The following MYO18A variants were observed in gnomAD, a reference collection of about 807,000 sequenced individuals.
MYO18A encodes the protein myosin XVIIIA, also known as unconventional myosin-XVIIIa.
Under a neutral mutation model 235.8 loss-of-function variants are expected in MYO18A, and 78 were observed. The observed-to-expected ratio is 0.33, with a 90% CI of 0.28 to 0.40. The LOEUF is 0.40. Ranked by LOEUF, MYO18A falls within the 10% of genes least tolerant of loss-of-function variation. MYO18A has a pLI of 1.00. For synonymous variants in MYO18A, 977 were observed against 1,077.8 expected (o/e 0.91, Z 1.83); for missense variants, 2,215 against 2,699.3 (o/e 0.82, Z 3.98).
In MYO18A at chr17:29,166,942, GT is replaced by G; in HGVS notation, c.-3del. On this transcript the variant is annotated 5_prime_UTR_variant, in exon 2 of 42. Coordinates refer to ENST00000527372, the MANE Select transcript of MYO18A (RefSeq NM_078471.4). ...GTCTTTCTTCATTAGGTTAAACATG[GT>G]GGGGGTGCTGTTTGTAGGGGTAGCA... 6.5e-7 allele frequency: 1 copy of G among 1,531,826 alleles called. No homozygotes were observed. Among genetic ancestry groups the G allele is most frequent in the Non-Finnish European group, 8.8e-7 (1 of 1,134,918 alleles). 94.9% of individuals were successfully genotyped at this position (1,531,826 alleles called of 1,614,324 possible).
In MYO18A at chr17:29,098,908, T is replaced by A; in HGVS notation, c.3698A>T (p.Asp1233Val). ...KNIKKNKGVKDWPWWKLFTTV... is the reference protein window; with the variant it reads ...KNIKKNKGVKVWPWWKLFTTV... ...GGTAAAAAGCTTCCACCAGGGCCAG[T>A]CCTTCACCCCTTTGTTCTTCTTGAT... Residue 1233 changes from aspartate to valine, a missense_variant, in exon 23 of 42, where the codon GAC becomes GTC. Coordinates refer to ENST00000527372, the MANE Select transcript of MYO18A (RefSeq NM_078471.4). The A allele has an allele frequency of 6.2e-7, 1 of 1,613,894 alleles. No homozygotes were observed. The highest frequency in any genetic ancestry group is 8.5e-7 in the Non-Finnish European group (1 of 1,179,848).
At chr17:29,119,041 G>A (rs1383373576) in intron 8 of MYO18A, among the ~76,000 whole-genome samples, 2 of 152,134 alleles carry the variant, frequency 1.3e-5, no homozygotes, top group African/African-American at 2.4e-5. Flanking sequence ...TGGCTTCATG[G>A]GTAATGGAGA....
At chr17:29,145,400 C>T (rs543649296) in intron 2 of MYO18A, among the ~76,000 whole-genome samples, 101 of 152,340 alleles carry the variant, frequency 6.6e-4, no homozygotes, top group African/African-American at 2.4e-3. Context: ...CTGTTTCAGG[C>T]ACTTGACCAG....
intron 25 of MYO18A, 102 bp downstream of exon 25, chr17:29,098,003 C>T: frequency 6.4e-7 from 1 of 1,574,628 alleles, no homozygotes; most frequent in Non-Finnish European, 8.6e-7. Context: ...GACAGGGATG[C>T]TGGGCTAGGG....
At chr17:29,080,739 C>A (rs928307954) in intron 41 of MYO18A, 40 of 985,398 alleles carry the variant, frequency 4.1e-5, no homozygotes, top group Non-Finnish European at 4.8e-5. Flanking sequence ...GGCCAGCGCG[C>A]CCCCCGGTCC....
In MYO18A at chr17:29,093,333, A is replaced by C; in HGVS notation, c.4916T>G (p.Leu1639Arg). The change falls in exon 32 of 42, where the codon CTC becomes CGC. Residue 1639 changes from leucine (L) to arginine (R), a missense_variant. Leu to Arg is a moderately radical substitution (Grantham distance 102). Coordinates refer to ENST00000527372, the MANE Select transcript of MYO18A (RefSeq NM_078471.4). Reference protein sequence around the residue: ...KRELEGKLATLSDQVNRRDFE... With the variant: ...KRELEGKLATRSDQVNRRDFE... ...GGAGCATCCCCTGACCTGGTCGCTGAGGGTGGCGAGCTTGCCCTCCAGCTC... is the reference window on the plus strand; with the variant it reads ...GGAGCATCCCCTGACCTGGTCGCTGCGGGTGGCGAGCTTGCCCTCCAGCTC... The C allele has an allele frequency of 6.2e-6, 10 of 1,611,634 alleles. No individual in the cohort carries two copies. In the Middle Eastern group the frequency reaches 6.6e-4, roughly 106 times the overall value.
At position 29,105,455 on chromosome 17, in the gene MYO18A, G is replaced by A. The variant is rs547600426; in HGVS notation, c.3441+1625C>T. Among the ~76,000 whole-genome samples the A allele has an allele frequency of 4.6e-5, 7 of 152,304 alleles. No homozygotes were observed. In the South Asian group the frequency reaches 1.5e-3, roughly 32 times the overall value. On this transcript the variant is annotated intron_variant, in intron 20 of 41. Transcript: ENST00000527372. ...AAAAAGAGATGCCAGAGGAAAAAGA[G>A]AGAGAAGTGAATTCACACTGATGGA...
rs2068272351 is a variant in MYO18A, at chr17:29,165,957, G to T, written c.984C>A (p.Arg328=). 6.2e-7 allele frequency: 1 copy of T among 1,612,788 alleles called. No homozygotes were observed. The highest frequency in any genetic ancestry group is 8.5e-7 in the Non-Finnish European group (1 of 1,179,540). Residue 328 remains arginine (R), a synonymous_variant, in exon 2 of 42, where the codon CGC becomes CGA. Transcript: ENST00000527372. ...RSWLRSGEGP[R]REPSDAKTEE... Reference sequence around the variant, plus strand: ...AAGCACTCACATCGGATGGCTCCCTGCGAGGTCCCTCGCCGCTCCGCAGCC... The same window carrying T: ...AAGCACTCACATCGGATGGCTCCCTTCGAGGTCCCTCGCCGCTCCGCAGCC...
At chr17:29,098,692 A>T in intron 23 of MYO18A, 134 bp downstream of exon 23, 2 of 1,286,136 alleles carry the variant, frequency 1.6e-6, no homozygotes, top group Non-Finnish European at 2.1e-6. Flanking sequence ...CCCCAGAGGG[A>T]CATCTTCTAT....
At chr17:29,101,396 C>G (rs1014492771) in intron 21 of MYO18A, among the ~76,000 whole-genome samples, 8 of 152,168 alleles carry the variant, frequency 5.3e-5, no homozygotes, top group African/African-American at 1.4e-4. Flanking sequence ...ACCTCCACCT[C>G]CTGAGCTCAA....
rs966499199 is a variant in MYO18A, at chr17:29,180,223, G to T, written c.-82+90C>A. 1.9e-4 allele frequency: 8 copies of T among 41,588 alleles called. No individual in the cohort carries two copies. The highest frequency in any genetic ancestry group is 7.6e-4 in the African/African-American group (8 of 10,506). The allele number at this position is 41,588 out of a possible 1,614,324, so 2.6% of individuals were successfully genotyped here. A position where few individuals can be genotyped will look rare whatever the true frequency, so the allele number is the denominator to read the frequency against. ...GAGGAGCCGGCGGGCCCCGCCGCCCGCCCGCCCTCCCTCCCGGCCGGAGCC... is the reference window on the plus strand; with the variant it reads ...GAGGAGCCGGCGGGCCCCGCCGCCCTCCCGCCCTCCCTCCCGGCCGGAGCC... On this transcript the variant is annotated intron_variant, in intron 1 of 41. Transcript: ENST00000527372. The surrounding 1 kb of genome is among the most constrained non-coding windows in gnomAD (Gnocchi z 6.1).
Position 29,110,496 on chromosome 17 carries a change from A to G in MYO18A, c.3027T>C (p.Phe1009=). Residue 1009 remains phenylalanine, a synonymous_variant, in exon 18 of 42, where the codon TTT becomes TTC. Transcript: ENST00000527372. ...LRRATSMRKT[F]TTGMAAVKKK... ...TTTTGACAGCCGCCATGCCTGTGGT[A>G]AAGGTTTTCCGCATGCTGGTGGCCC... The G allele has an allele frequency of 6.2e-7, 1 of 1,603,446 alleles. No individual in the cohort carries two copies. Among genetic ancestry groups the G allele is most frequent in the Non-Finnish European group, 8.5e-7 (1 of 1,175,382 alleles).
In MYO18A at chr17:29,110,966, C is replaced by T. The variant is rs75830505; in HGVS notation, c.2901-344G>A. Among the ~76,000 whole-genome samples the T allele has an allele frequency of 2.1e-3, 313 of 152,288 alleles. 6 individuals are homozygous for T. In the East Asian group the frequency reaches 0.049, roughly 24 times the overall value. ...TTAGGGTTCAACATCTTCTAACATACGATATAATTTATTTATTATGTTTAT... is the reference window on the plus strand; with the variant it reads ...TTAGGGTTCAACATCTTCTAACATATGATATAATTTATTTATTATGTTTAT... On this transcript the variant is annotated intron_variant, in intron 17 of 41. Transcript: ENST00000527372.
rs2067108419 is a variant in MYO18A at position 29,117,767 on chromosome 17, G to A, written c.2038+278C>T. Among the ~76,000 whole-genome samples, 1 of 152,164 alleles carries A rather than the reference G, an allele frequency of 6.6e-6. No individual in the cohort carries two copies. The highest frequency in any genetic ancestry group is 2.4e-5 in the African/African-American group (1 of 41,430). On this transcript the variant is annotated intron_variant, in intron 10 of 41. Coordinates refer to ENST00000527372, the MANE Select transcript of MYO18A (RefSeq NM_078471.4). This position sits in a 1 kb window ranked among gnomAD's most constrained non-coding sequence, Gnocchi z 4.6. ...TCCAGCGGGGCTGCCCTGCCTTAGT[G>A]CCCTTCTCATCCCTCAGCCTCTGAA...
chr17:29,169,131 C>G (rs1172750516), intron 1 of MYO18A, among the ~76,000 whole-genome samples: 1 of 151,978 alleles, frequency 6.6e-6, no homozygotes, highest in African/African-American at 2.4e-5. Context: ...CTCACTGCAA[C>G]CTCTGCCTCC....
intron 1 of MYO18A, among the ~76,000 whole-genome samples, chr17:29,176,048 A>T (rs533490924): frequency 1.3e-5 from 2 of 152,158 alleles, no homozygotes; most frequent in Admixed American, 1.3e-4. Flanking sequence ...ACAGAGCGAG[A>T]CTCCTTCTCA....
chr17:29,133,876 T>C, intron 2 of MYO18A: 2 of 1,288,888 alleles, frequency 1.6e-6, no homozygotes, highest in Non-Finnish European at 2.0e-6. Flanking sequence ...AGAGAAGAAA[T>C]GGGGGGCAGG....
At chr17:29,174,488 G>A (rs78905326) in intron 1 of MYO18A, among the ~76,000 whole-genome samples, 3,121 of 151,986 alleles carry the variant, frequency 0.021, 104 homozygotes, top group African/African-American at 0.071. Context: ...CCTGGGTGGA[G>A]GGAGATTATG....
In MYO18A at chr17:29,087,255, A is replaced by G. The variant is rs994714950; in HGVS notation, c.5527-134T>C. ...CCACCGTTCATTGGCTACCTGGGCA[A>G]GCAACCCCGAAGCTTCCCTTGCTTT... On this transcript the variant is annotated intron_variant, in intron 37 of 41. Transcript: ENST00000527372. The G allele has an allele frequency of 9.3e-6, 8 of 860,312 alleles. No homozygotes were observed. The Admixed American group carries it at 1.7e-4, about 19-fold the overall frequency. The allele number at this position is 860,312 out of a possible 1,614,324, so 53.3% of individuals were successfully genotyped here. A position where few individuals can be genotyped will look rare whatever the true frequency, so the allele number is the denominator to read the frequency against.
Sources: allele counts gnomAD v4.1 joint callset (sites outside exome capture counted in the v4.1 genomes callset), GRCh38; gene constraint gnomAD v4.1.1; non-coding constraint Gnocchi (gnomAD v3.1); transcripts MANE v1.5; gene names NCBI Gene and HGNC (gene_info 2026-07-23, HGNC 2026-07-21).